SLCO1B1: variants seen among roughly 807,000 people sequenced by gnomAD.
SLCO1B1 encodes the protein OATP-2.
In SLCO1B1, 81 loss-of-function variants were observed where a neutral mutation model predicts 70.1. That is an observed-to-expected ratio of 1.16 (90% CI 0.97 to 1.39). The LOEUF is 1.39. Ranked by LOEUF, SLCO1B1 falls within the 40% of genes most tolerant of loss-of-function variation. The probability of loss-of-function intolerance (pLI) is 0.00; values close to 1 mark genes in which losing one functional copy is unlikely to be tolerated. For synonymous variants in SLCO1B1, 283 were observed against 271.5 expected (o/e 1.04, Z -0.42); for missense variants, 895 against 799.6 (o/e 1.12, Z -1.44).
At chr12:21,137,942 T>A (rs1278229008) in intron 1 of SLCO1B1, among the ~76,000 whole-genome samples, 1 of 152,200 alleles carries the variant, frequency 6.6e-6, no homozygotes, top group Non-Finnish European at 1.5e-5. Flanking sequence ...TGCTGGGAGC[T>A]GTAGACCAGA....
chr12:21,160,106 TAAA>T (rs56102570), intron 2 of SLCO1B1, among the ~76,000 whole-genome samples: 17 of 111,988 alleles, frequency 1.5e-4, no homozygotes, highest in East Asian at 2.7e-4. Context: ...TTCACAGAAC[TAAA>T]AAAAAAAAAA....
chr12:21,226,346 G>A (rs7966448), intron 14 of SLCO1B1, among the ~76,000 whole-genome samples: 51,545 of 151,610 alleles, frequency 0.34, 9,097 homozygotes, highest in East Asian at 0.45. Flanking sequence ...CCCAGGAGGC[G>A]GAGGTTGCAG....
At chr12:21,153,085 TAA>T (rs1940495798) in intron 2 of SLCO1B1, among the ~76,000 whole-genome samples, 1 of 152,168 alleles carries the variant, frequency 6.6e-6, no homozygotes, top group African/African-American at 2.4e-5. Flanking sequence ...TGACACTTTG[TAA>T]TCACCTATTT....
At chr12:21,181,002 T>C (rs1327752939) in intron 7 of SLCO1B1, among the ~76,000 whole-genome samples, 1 of 152,198 alleles carries the variant, frequency 6.6e-6, no homozygotes, top group African/African-American at 2.4e-5. Flanking sequence ...CTAAAGGAGC[T>C]GAAGACATAA....
intron 2 of SLCO1B1, among the ~76,000 whole-genome samples, chr12:21,142,069 T>TAAA (rs201192922): frequency 1.8e-5 from 1 of 54,076 alleles, no homozygotes; most frequent in African/African-American, 3.0e-5. Flanking sequence ...AAAAATTCTT[T>TAAA]TAAAAAAAAA....
intron 14 of SLCO1B1, among the ~76,000 whole-genome samples, chr12:21,226,860 A>G (rs896617469): frequency 6.6e-6 from 1 of 152,152 alleles, no homozygotes; most frequent in Non-Finnish European, 1.5e-5. Context: ...TTTTCTGTAA[A>G]TCTAAAATTT....
At chr12:21,209,254 T>A (rs1941251216) in intron 11 of SLCO1B1, among the ~76,000 whole-genome samples, 1 of 150,742 alleles carries the variant, frequency 6.6e-6, no homozygotes, top group South Asian at 2.1e-4. Flanking sequence ...TTCCCCTTCC[T>A]GTGTCCATGT....
chr12:21,158,339 T>G (rs1940568603), intron 2 of SLCO1B1, among the ~76,000 whole-genome samples: 1 of 152,220 alleles, frequency 6.6e-6, no homozygotes, highest in Non-Finnish European at 1.5e-5. Context: ...ATTCAATAAA[T>G]TTTTGAAACA....
intron 2 of SLCO1B1, among the ~76,000 whole-genome samples, chr12:21,147,177 T>C (rs1233816175): frequency 3.3e-5 from 5 of 152,322 alleles, no homozygotes; most frequent in African/African-American, 1.2e-4. Flanking sequence ...TGCCCCGTTT[T>C]TACCTCTGTT....
At chr12:21,216,173 C>A (rs1264409065) in intron 11 of SLCO1B1, among the ~76,000 whole-genome samples, 1 of 151,972 alleles carries the variant, frequency 6.6e-6, no homozygotes, top group Non-Finnish European at 1.5e-5. Flanking sequence ...ACTAAATCCT[C>A]AATAATGAAC....
chr12:21,160,497 G>GAA (rs200705323), intron 2 of SLCO1B1, among the ~76,000 whole-genome samples: 7 of 144,822 alleles, frequency 4.8e-5, no homozygotes, highest in Admixed American at 3.4e-4. Flanking sequence ...TATAAAAAAG[G>GAA]AAAAAAAAAA....
intron 8 of SLCO1B1, among the ~76,000 whole-genome samples, chr12:21,198,436 C>A (rs1378878437): frequency 6.6e-6 from 1 of 151,824 alleles, no homozygotes; most frequent in Non-Finnish European, 1.5e-5. Context: ...TCTACTGTAC[C>A]AAATCAAATC....
At chr12:21,140,383 T>G (rs991358299) in intron 1 of SLCO1B1, among the ~76,000 whole-genome samples, 1 of 152,060 alleles carries the variant, frequency 6.6e-6, no homozygotes. Flanking sequence ...GAAGAACACA[T>G]TATATTCTAT....
chr12:21,189,182 C>A (rs1221843186), intron 7 of SLCO1B1, among the ~76,000 whole-genome samples: 3 of 152,082 alleles, frequency 2.0e-5, no homozygotes, highest in Non-Finnish European at 2.9e-5. Context: ...TTTGAGGAAT[C>A]TTTATAATAC....
chr12:21,227,237 C>T (rs531658061), intron 14 of SLCO1B1, among the ~76,000 whole-genome samples: 2 of 151,714 alleles, frequency 1.3e-5, no homozygotes, highest in Admixed American at 6.6e-5. Context: ...GTTCTACCTG[C>T]AGGAAAATGA....
chr12:21,164,279 A>G lies in SLCO1B1; in HGVS notation c.85-8371A>G, dbSNP rs116629905. Among the ~76,000 whole-genome samples the G allele has an allele frequency of 4.1e-3, 619 of 151,572 alleles. 2 individuals carry two copies. Among genetic ancestry groups the G allele is most frequent in the African/African-American group, 0.014 (589 of 40,872 alleles). ...ATTCGACTTGTGAAAAGATGATTAT[A>G]TTGTCTTTAATGCTGTCTTCTTTTT... On this transcript the variant is annotated intron_variant, in intron 2 of 14. Transcript: ENST00000256958.
At chr12:21,214,935 G>A (rs145936512) in intron 11 of SLCO1B1, among the ~76,000 whole-genome samples, 2,649 of 151,218 alleles carry the variant, frequency 0.018, 75 homozygotes, top group African/African-American at 0.06. Flanking sequence ...CGCACGGTGC[G>A]CGCACCCACT....
At chr12:21,205,051 T>C (rs1425788744) in intron 10 of SLCO1B1, among the ~76,000 whole-genome samples, 2 of 152,014 alleles carry the variant, frequency 1.3e-5, no homozygotes, top group South Asian at 2.1e-4. Flanking sequence ...AATAAAATTA[T>C]TGATAATGTA....
At chr12:21,205,224 CTA>C (rs1225930665) in intron 10 of SLCO1B1, among the ~76,000 whole-genome samples, 6 of 151,698 alleles carry the variant, frequency 4.0e-5, no homozygotes, top group Non-Finnish European at 5.9e-5. Flanking sequence ...ATAATTTTAG[CTA>C]TGTTATAATC....
Sources: gnomAD v4.1 joint callset for allele counts (sites outside exome capture counted in the v4.1 genomes callset) on GRCh38, gnomAD v4.1.1 for gene constraint, MANE v1.5 for transcripts, NCBI Gene and HGNC (gene_info 2026-07-23, HGNC 2026-07-21) for gene names.